The following PPFIA2 variants were observed in gnomAD, a reference collection of about 807,000 sequenced individuals.
PPFIA2 encodes PPFI scaffold protein A2.
In PPFIA2, 46 loss-of-function variants were observed where a neutral mutation model predicts 175.5. The ratio of observed to expected loss-of-function variants is 0.26; its 90% confidence interval spans 0.21 to 0.34. The LOEUF (loss-of-function observed/expected upper bound fraction) is 0.34. Ranked by LOEUF, PPFIA2 falls within the 10% of genes least tolerant of loss-of-function variation. The probability of loss-of-function intolerance (pLI) is 1.00; values close to 1 mark genes in which losing one functional copy is unlikely to be tolerated. For synonymous variants in PPFIA2, 568 were observed against 511.4 expected (o/e 1.11, Z -1.49); for missense variants, 1,179 against 1,506.1 (o/e 0.78, Z 3.60).
rs1446444020 is a variant in PPFIA2 at position 81,386,312 on chromosome 12, TAAATAAATAAGAA to T, written c.763-2081_763-2069del. On this transcript the variant is annotated intron_variant, in intron 8 of 32. Coordinates refer to ENST00000549396, the MANE Select transcript of PPFIA2 (RefSeq NM_003625.5). ...ATAAATAAATAAATAAATAAATAAATAAATAAATAAGAAAAGAAAAGAAAGTATGGGCTGTATG... is the reference window on the plus strand; with the variant it reads ...ATAAATAAATAAATAAATAAATAAATAAGAAAAGAAAGTATGGGCTGTATG... 2.4e-3 allele frequency among the ~76,000 whole-genome samples: 358 copies of T among 147,798 alleles called. 2 individuals carry two copies. Among genetic ancestry groups the T allele is most frequent in the African/African-American group, 8.3e-3 (328 of 39,342 alleles).
At chr12:81,555,606 TTTAAA>T (rs1269375238) in intron 4 of PPFIA2, among the ~76,000 whole-genome samples, 1 of 151,986 alleles carries the variant, frequency 6.6e-6, no homozygotes, top group Non-Finnish European at 1.5e-5. Context: ...CATAGGTTTG[TTTAAA>T]TTAATATTTT....
chr12:81,571,270 C>G (rs1306827389), intron 4 of PPFIA2, among the ~76,000 whole-genome samples: 1 of 152,026 alleles, frequency 6.6e-6, no homozygotes, highest in Non-Finnish European at 1.5e-5. Flanking sequence ...CATTTCTGGA[C>G]TACATTCTTG....
intron 4 of PPFIA2, among the ~76,000 whole-genome samples, chr12:81,485,796 C>A (rs185801719): frequency 7.0e-4 from 106 of 151,764 alleles, no homozygotes; most frequent in Admixed American, 2.4e-3. Flanking sequence ...TCTGAAACTG[C>A]AAATAATTTG....
intron 21 of PPFIA2, among the ~76,000 whole-genome samples, chr12:81,336,379 T>A (rs1468647157): frequency 6.6e-6 from 1 of 152,216 alleles, no homozygotes; most frequent in Non-Finnish European, 1.5e-5. Flanking sequence ...AGACATATTG[T>A]TGCACATATT....
At chr12:81,408,969 A>G (rs976875370) in intron 7 of PPFIA2, among the ~76,000 whole-genome samples, 1 of 152,162 alleles carries the variant, frequency 6.6e-6, no homozygotes, top group African/African-American at 2.4e-5. Flanking sequence ...GAAAGGGGGA[A>G]AGTTTGTAGT....
intron 7 of PPFIA2, among the ~76,000 whole-genome samples, chr12:81,427,474 C>G (rs1427141373): frequency 2.0e-5 from 3 of 152,116 alleles, no homozygotes; most frequent in Admixed American, 1.3e-4. Flanking sequence ...TCTAAAATTG[C>G]AGATGCTATT....
In PPFIA2 at chr12:81,646,394, C is replaced by G. The variant is rs116425187; in HGVS notation, c.303+30397G>C. ...CAGTGCTGAGGTTTGGTGCAGAGAG[C>G]CAGCATAAGACTGGGGCTGGAGGAG... On this transcript the variant is annotated intron_variant, in intron 4 of 32. Coordinates refer to ENST00000549396, the MANE Select transcript of PPFIA2 (RefSeq NM_003625.5). Among the ~76,000 whole-genome samples, 189 of 152,202 alleles carry G rather than the reference C, an allele frequency of 1.2e-3. 3 individuals are homozygous for G. Among genetic ancestry groups the G allele is most frequent in the African/African-American group, 4.3e-3 (180 of 41,546 alleles).
intron 3 of PPFIA2, among the ~76,000 whole-genome samples, chr12:81,747,370 T>C (rs1310034847): frequency 6.9e-6 from 1 of 143,912 alleles, no homozygotes; most frequent in Non-Finnish European, 1.6e-5. Flanking sequence ...AGTGGAAAAT[T>C]TAGGAAAATT....
At chr12:81,514,585 A>G (rs771978602) in intron 4 of PPFIA2, among the ~76,000 whole-genome samples, 2 of 151,938 alleles carry the variant, frequency 1.3e-5, no homozygotes, top group African/African-American at 2.4e-5. Flanking sequence ...TCCACATGCA[A>G]GTAAACTCAC....
At chr12:81,707,770 T>C (rs1358459521) in intron 3 of PPFIA2, among the ~76,000 whole-genome samples, 3 of 151,520 alleles carry the variant, frequency 2.0e-5, no homozygotes, top group Non-Finnish European at 4.4e-5. Flanking sequence ...TTGGAACCAA[T>C]CCAAATATCC....
At chr12:81,262,976 TC>T (rs941893800) in intron 31 of PPFIA2, among the ~76,000 whole-genome samples, 32 of 152,344 alleles carry the variant, frequency 2.1e-4, no homozygotes, top group African/African-American at 7.7e-4. Flanking sequence ...TGTTTATTGT[TC>T]CTCCTAGAGG....
chr12:81,732,707 G>A (rs945031993), intron 3 of PPFIA2, among the ~76,000 whole-genome samples: 2 of 151,520 alleles, frequency 1.3e-5, no homozygotes, highest in African/African-American at 4.8e-5. Flanking sequence ...AATTGCTCAT[G>A]ATATGTTAAG....
chr12:81,336,171 C>T (rs773097751), intron 21 of PPFIA2, among the ~76,000 whole-genome samples: 2 of 152,102 alleles, frequency 1.3e-5, no homozygotes, highest in African/African-American at 4.8e-5. Context: ...CCTATTAGTA[C>T]CACAGCTTTT....
At chr12:81,666,230 A>T (rs963931971) in intron 4 of PPFIA2, among the ~76,000 whole-genome samples, 14 of 152,188 alleles carry the variant, frequency 9.2e-5, no homozygotes, top group Non-Finnish European at 1.8e-4. Context: ...AGAACTAGAA[A>T]TACTGTTTGA....
chr12:81,567,860 G>A (rs920148470), intron 4 of PPFIA2, among the ~76,000 whole-genome samples: 1 of 152,100 alleles, frequency 6.6e-6, no homozygotes, highest in Non-Finnish European at 1.5e-5. Context: ...ATTGAACCTC[G>A]GTGGAAAATG....
chr12:81,679,369 C>G (rs1212957285), intron 3 of PPFIA2, among the ~76,000 whole-genome samples: 1 of 151,770 alleles, frequency 6.6e-6, no homozygotes, highest in Non-Finnish European at 1.5e-5. Context: ...TTTAATGAAG[C>G]TATCAGAGGG....
At chr12:81,344,849 G>T (rs1156517665) in intron 18 of PPFIA2, 156 bp from the exon 19 acceptor site, 4 of 548,082 alleles carry the variant, frequency 7.3e-6, no homozygotes, top group Non-Finnish European at 1.3e-5. Flanking sequence ...TACTATAAAA[G>T]CACTCCGCCT....
At chr12:81,622,896 A>G (rs1376209280) in intron 4 of PPFIA2, among the ~76,000 whole-genome samples, 1 of 152,154 alleles carries the variant, frequency 6.6e-6, no homozygotes, top group Non-Finnish European at 1.5e-5. Flanking sequence ...ATTTTGTTTA[A>G]AGAAAGGTAG....
At position 81,446,816 on chromosome 12, in the gene PPFIA2, G is replaced by C. The variant is rs188622974; in HGVS notation, c.406-1096C>G. The stretch of plus-strand genomic sequence containing the variant: ...AGTTTAACTGTAATGAAAAATTTTG[G>C]TTTTCACTATACCACTGTTAGATTC... On this transcript the variant is annotated intron_variant, in intron 5 of 32. Coordinates refer to ENST00000549396, the MANE Select transcript of PPFIA2 (RefSeq NM_003625.5). Among the ~76,000 whole-genome samples, 81 of 152,004 alleles carry C rather than the reference G, an allele frequency of 5.3e-4. 1 individual carries two copies. Among genetic ancestry groups the C allele is most frequent in the African/African-American group, 1.9e-3 (80 of 41,462 alleles).
Sources: allele counts gnomAD v4.1 joint callset (sites outside exome capture counted in the v4.1 genomes callset), GRCh38; gene constraint gnomAD v4.1.1; transcripts MANE v1.5; gene names NCBI Gene and HGNC (gene_info 2026-07-23, HGNC 2026-07-21).